TECRL: variants seen among roughly 807,000 people sequenced by gnomAD.
TECRL encodes the protein trans-2,3-enoyl-CoA reductase-like.
Under a neutral mutation model 52.8 loss-of-function variants are expected in TECRL, and 63 were observed. The observed-to-expected ratio is 1.19, with a 90% CI of 0.97 to 1.47. The LOEUF is 1.47. Ranked by LOEUF, TECRL falls within the 40% of genes most tolerant of loss-of-function variation. The pLI is 0.00. For synonymous variants in TECRL, 164 were observed against 141.9 expected (o/e 1.16, Z -1.10); for missense variants, 482 against 429.6 (o/e 1.12, Z -1.08).
intron 1 of TECRL, among the ~76,000 whole-genome samples, chr4:64,395,104 T>G (rs926223306): frequency 6.6e-6 from 1 of 151,612 alleles, no homozygotes; most frequent in African/African-American, 2.4e-5. Flanking sequence ...TAGAAACAGA[T>G]TGGCCAGGCT....
At chr4:64,350,144 C>T (rs1419438927) in intron 2 of TECRL, among the ~76,000 whole-genome samples, 2 of 152,144 alleles carry the variant, frequency 1.3e-5, no homozygotes, top group Admixed American at 6.5e-5. Context: ...AAAACTGTAC[C>T]TTAATGTATG....
At chr4:64,299,629 G>A (rs1053159634) in intron 8 of TECRL, among the ~76,000 whole-genome samples, 2 of 150,986 alleles carry the variant, frequency 1.3e-5, no homozygotes, top group African/African-American at 2.4e-5. Context: ...ATGCCAAAGT[G>A]TTTTTGGGGT....
At chr4:64,341,736 G>C (rs1289292393) in intron 2 of TECRL, among the ~76,000 whole-genome samples, 1 of 152,116 alleles carries the variant, frequency 6.6e-6, no homozygotes, top group African/African-American at 2.4e-5. Context: ...CTCCCTCTTT[G>C]GGCCCCTGTG....
intron 2 of TECRL, among the ~76,000 whole-genome samples, chr4:64,331,832 A>T (rs1718661184): frequency 6.6e-6 from 1 of 152,138 alleles, no homozygotes; most frequent in Non-Finnish European, 1.5e-5. Context: ...AGATAAAGGG[A>T]TTCAGAAAAT....
chr4:64,288,460 A>T (rs1177475612), intron 9 of TECRL, among the ~76,000 whole-genome samples: 1 of 152,190 alleles, frequency 6.6e-6, no homozygotes, highest in Non-Finnish European at 1.5e-5. Context: ...AAAAAGCTCG[A>T]TAAGTCAGTT....
chr4:64,384,799 G>T (rs541829343), intron 1 of TECRL, among the ~76,000 whole-genome samples: 4 of 152,274 alleles, frequency 2.6e-5, no homozygotes, highest in African/African-American at 9.6e-5. Flanking sequence ...CCTCCTGGAA[G>T]TTATGCATGA....
intron 1 of TECRL, among the ~76,000 whole-genome samples, chr4:64,405,636 G>T (rs1724659716): frequency 6.6e-6 from 1 of 152,020 alleles, no homozygotes; most frequent in Non-Finnish European, 1.5e-5. Flanking sequence ...AAAATAATAG[G>T]TTACAGTATA....
chr4:64,355,735 C>T (rs1278898800), intron 2 of TECRL, among the ~76,000 whole-genome samples: 2 of 143,076 alleles, frequency 1.4e-5, no homozygotes, highest in African/African-American at 5.1e-5. Context: ...GCGGAGCTTG[C>T]AGTGAGCCGA....
At chr4:64,289,818 T>A (rs1560473292) in intron 8 of TECRL, 51 bp from the exon 9 acceptor site, 10 of 1,158,498 alleles carry the variant, frequency 8.6e-6, no homozygotes, top group South Asian at 3.5e-5. Context: ...GCCTATTTTT[T>A]AAAAAAACAT....
intron 2 of TECRL, among the ~76,000 whole-genome samples, chr4:64,371,738 G>A (rs1198056935): frequency 6.6e-6 from 1 of 151,686 alleles, no homozygotes; most frequent in Non-Finnish European, 1.5e-5. Flanking sequence ...GTCCCGTCAT[G>A]CTTATTGAAG....
At chr4:64,285,441 C>A (rs182840147) in intron 9 of TECRL, among the ~76,000 whole-genome samples, 32 of 152,134 alleles carry the variant, frequency 2.1e-4, no homozygotes, top group African/African-American at 7.0e-4. Flanking sequence ...GAACATGACT[C>A]ATGACATTTT....
chr4:64,381,137 T>A (rs1289421066), intron 1 of TECRL, among the ~76,000 whole-genome samples: 1 of 151,894 alleles, frequency 6.6e-6, no homozygotes, highest in Non-Finnish European at 1.5e-5. Flanking sequence ...TTTATTCAAT[T>A]TTTTTTGGTA....
intron 1 of TECRL, among the ~76,000 whole-genome samples, chr4:64,378,532 A>G (rs1722557045): frequency 6.6e-6 from 1 of 152,150 alleles, no homozygotes; most frequent in South Asian, 2.1e-4. Context: ...GTAGTAGATT[A>G]GCAAATAGAA....
At chr4:64,356,239 T>C (rs1720760488) in intron 2 of TECRL, among the ~76,000 whole-genome samples, 1 of 152,142 alleles carries the variant, frequency 6.6e-6, no homozygotes, top group African/African-American at 2.4e-5. Context: ...TGTGATAGTC[T>C]GAAATATGGC....
intron 2 of TECRL, among the ~76,000 whole-genome samples, chr4:64,374,079 A>ATATTTATT (rs1553919070): frequency 3.1e-5 from 3 of 96,774 alleles, no homozygotes; most frequent in South Asian, 7.6e-4. Flanking sequence ...ATATATATAT[A>ATATTTATT]TATTTATCTT....
chr4:64,398,845 G>C (rs1299076830), intron 1 of TECRL, among the ~76,000 whole-genome samples: 2 of 152,148 alleles, frequency 1.3e-5, no homozygotes, highest in African/African-American at 4.8e-5. Flanking sequence ...CCAAAATTCT[G>C]ATAATGATAC....
Position 64,339,231 on chromosome 4 carries a change from A to T in TECRL, c.287-10675T>A, listed in dbSNP as rs181954125. 5.7e-3 allele frequency among the ~76,000 whole-genome samples: 822 copies of T among 143,580 alleles called. 2 individuals carry two copies. The highest frequency in any genetic ancestry group is 0.02 in the African/African-American group (782 of 38,612). 94.2% of individuals were successfully genotyped at this position (143,580 alleles called of 152,430 possible). On this transcript the variant is annotated intron_variant, in intron 2 of 11. Coordinates refer to ENST00000381210, the MANE Select transcript of TECRL (RefSeq NM_001010874.5). ...TCTCACTCATAGGTGGGAATTGAAC[A>T]ATGAGAACACTTGGACACAGGAAGG...
intron 2 of TECRL, among the ~76,000 whole-genome samples, chr4:64,369,482 T>C (rs1650214548): frequency 6.6e-6 from 1 of 152,088 alleles, no homozygotes; most frequent in Non-Finnish European, 1.5e-5. Flanking sequence ...TATTTGAAAA[T>C]AAGGATTAAT....
intron 2 of TECRL, among the ~76,000 whole-genome samples, chr4:64,361,048 A>C (rs1721153268): frequency 7.2e-6 from 1 of 138,006 alleles, no homozygotes; most frequent in Non-Finnish European, 1.6e-5. Flanking sequence ...TCCCCATGTG[A>C]CAGGGCCAGT....
Sources: allele counts gnomAD v4.1 joint callset (sites outside exome capture counted in the v4.1 genomes callset), GRCh38; gene constraint gnomAD v4.1.1; transcripts MANE v1.5; gene names NCBI Gene and HGNC (gene_info 2026-07-23, HGNC 2026-07-21).